The following SMC5 variants were observed in gnomAD, a reference collection of about 807,000 sequenced individuals.
SMC5 encodes structural maintenance of chromosomes protein 5.
A neutral mutation model predicts 148.3 loss-of-function variants in SMC5; 88 were observed. The ratio of observed to expected loss-of-function variants is 0.59; its 90% CI spans 0.50 to 0.71. SMC5 has a LOEUF of 0.71. Ranked by LOEUF, SMC5 falls within the 30% of genes least tolerant of loss-of-function variation. The pLI is 0.00. For missense variants in SMC5, 1,142 were observed against 1,298.9 expected (o/e 0.88, Z 1.86); for synonymous variants, 421 against 432.8 (o/e 0.97, Z 0.34).
rs1394429830 is a variant in SMC5 at position 70,280,763 on chromosome 9, C to T, written c.683C>T (p.Ser228Leu). ...TTCAACATATATTTATTGTAGACCT[C>T]ATGCAAAGAGAAAACTGAGTATCTA... Reference protein sequence around the residue: ...LREKEKQLETSCKEKTEYLQK... With the variant: ...LREKEKQLETLCKEKTEYLQK... The change falls in exon 6 of 25, where the codon TCA becomes TTA. Residue 228 changes from serine to leucine, a missense_variant. This residue lies in a region of SMC5 where 297 missense variants were observed against 302.6 expected (regional missense o/e 0.98). Coordinates refer to ENST00000361138, the MANE Select transcript of SMC5 (RefSeq NM_015110.4). 6.2e-7 allele frequency: 1 copy of T among 1,611,322 alleles called. No homozygotes were observed. Among genetic ancestry groups the T allele is most frequent in the Non-Finnish European group, 8.5e-7 (1 of 1,179,076 alleles).
At chr9:70,339,724 T>C (rs1445809615) in intron 17 of SMC5, among the ~76,000 whole-genome samples, 1 of 152,160 alleles carries the variant, frequency 6.6e-6, no homozygotes, top group Non-Finnish European at 1.5e-5. Context: ...CAAAAGAAGA[T>C]TGACACAAAA....
In SMC5 at chr9:70,318,886, A is replaced by G. The variant is rs972699285; in HGVS notation, c.2073A>G (p.Arg691=). 6.2e-6 allele frequency: 10 copies of G among 1,612,476 alleles called. No homozygotes were observed. Among genetic ancestry groups the G allele is most frequent in the African/African-American group, 1.3e-5 (1 of 74,828 alleles). The change falls in exon 15 of 25, where the codon AGA becomes AGG. Residue 691 remains arginine (R), a synonymous_variant. Coordinates refer to ENST00000361138, the MANE Select transcript of SMC5 (RefSeq NM_015110.4). ...KHLEHKDNEL[R]QKKKELLERK... ...TGGAGCACAAAGACAATGAACTTAG[A>G]CAAAAGAAGAAGGAGCTTCTTGAGA...
chr9:70,344,379 T>C (rs2036607761), intron 18 of SMC5, 110 bp downstream of exon 18: 3 of 743,360 alleles, frequency 4.0e-6, no homozygotes, highest in African/African-American at 1.9e-5. Context: ...TCGTAAAAAA[T>C]AGGGAGTTTT....
chr9:70,308,777 A>G (rs1399221777), intron 11 of SMC5, among the ~76,000 whole-genome samples: 1 of 152,026 alleles, frequency 6.6e-6, no homozygotes, highest in Non-Finnish European at 1.5e-5. Flanking sequence ...TTACACTATC[A>G]TAAATGGATT....
intron 18 of SMC5, among the ~76,000 whole-genome samples, chr9:70,345,032 A>G (rs192309622): frequency 1.5e-3 from 221 of 152,320 alleles, no homozygotes; most frequent in Non-Finnish European, 2.5e-3. Context: ...CACAGAAATC[A>G]CAGAGAATGG....
chr9:70,352,400 A>T lies in SMC5; in HGVS notation c.*69A>T, dbSNP rs893662507. ...CTGTTTATAAGTATGGCTCAACTGA[A>T]TAAAAGGAGATTCACTAAAACGAAA... On this transcript the variant is annotated 3_prime_UTR_variant, in exon 25 of 25. Transcript: ENST00000361138. The T allele has an allele frequency of 7.1e-7, 1 of 1,410,990 alleles. No homozygotes were observed. Among genetic ancestry groups the T allele is most frequent in the Admixed American group, 2.4e-5 (1 of 41,986 alleles). The allele number at this position is 1,410,990 out of a possible 1,614,324, so 87.4% of individuals were successfully genotyped here. A position where few individuals can be genotyped will look rare whatever the true frequency, so the allele number is the denominator to read the frequency against.
At chr9:70,326,871 CA>C (rs1473419541) in intron 17 of SMC5, among the ~76,000 whole-genome samples, 2 of 150,072 alleles carry the variant, frequency 1.3e-5, no homozygotes, top group Admixed American at 6.6e-5. Context: ...AAAAAAATTG[CA>C]AAAAAAATCA....
intron 9 of SMC5, among the ~76,000 whole-genome samples, chr9:70,299,152 C>T (rs1443336933): frequency 6.6e-6 from 1 of 151,764 alleles, no homozygotes; most frequent in Non-Finnish European, 1.5e-5. Flanking sequence ...CTCATTTATA[C>T]TCCGGTTTTT....
At chr9:70,334,729 T>A (rs2036316130) in intron 17 of SMC5, among the ~76,000 whole-genome samples, 2 of 152,218 alleles carry the variant, frequency 1.3e-5, no homozygotes, top group South Asian at 4.1e-4. Context: ...TGATGGATGC[T>A]ATAAAAATAA....
intron 11 of SMC5, among the ~76,000 whole-genome samples, chr9:70,310,352 C>G (rs2035625279): frequency 6.6e-6 from 1 of 152,180 alleles, no homozygotes; most frequent in Non-Finnish European, 1.5e-5. Flanking sequence ...ACATCTCCAT[C>G]AGAGCTCTTG....
chr9:70,316,628 A>G (rs956826258), intron 13 of SMC5, among the ~76,000 whole-genome samples: 2 of 152,116 alleles, frequency 1.3e-5, no homozygotes, highest in African/African-American at 2.4e-5. Flanking sequence ...AGGGGTAGGT[A>G]GGGTTCTCTC....
chr9:70,287,351 CT>C (rs901080554), intron 8 of SMC5, among the ~76,000 whole-genome samples: 3 of 151,844 alleles, frequency 2.0e-5, no homozygotes, highest in African/African-American at 7.3e-5. Flanking sequence ...CTTTGGTTCT[CT>C]TTATGGTTAA....
At chr9:70,346,941 G>A in intron 19 of SMC5, 125 bp from the exon 20 acceptor site, 1 of 754,100 alleles carries the variant, frequency 1.3e-6, no homozygotes, top group Non-Finnish European at 2.2e-6. Flanking sequence ...TTATTCCTTT[G>A]TATTCTTGTG....
intron 11 of SMC5, chr9:70,311,054 G>A (rs1417429296): frequency 6.6e-6 from 1 of 152,134 alleles, no homozygotes; most frequent in East Asian, 1.9e-4. Flanking sequence ...AGGTAATTTT[G>A]CTTTCTTATT....
intron 6 of SMC5, among the ~76,000 whole-genome samples, chr9:70,281,947 A>C (rs2034761497): frequency 6.6e-6 from 1 of 150,960 alleles, no homozygotes; most frequent in African/African-American, 2.4e-5. Flanking sequence ...TGTGCCACTT[A>C]ATTTTTTTTT....
At chr9:70,315,715 TATTA>T (rs895150959) in intron 13 of SMC5, 137 bp downstream of exon 13, 6 of 617,618 alleles carry the variant, frequency 9.7e-6, no homozygotes, top group African/African-American at 9.4e-5. Context: ...ATTATATTTG[TATTA>T]ATTATTTTCC....
chr9:70,331,411 G>GA (rs200479658), intron 17 of SMC5, among the ~76,000 whole-genome samples: 2 of 148,748 alleles, frequency 1.3e-5, no homozygotes, highest in African/African-American at 2.5e-5. Context: ...TTAAAAGGTA[G>GA]AAAAAAACAG....
intron 6 of SMC5, 97 bp downstream of exon 6, chr9:70,280,996 T>C: frequency 7.2e-7 from 1 of 1,381,766 alleles, no homozygotes; most frequent in Non-Finnish European, 1.0e-6. Context: ...GTTAGGTGCT[T>C]CTTTTTCATT....
chr9:70,278,442 A>T, intron 4 of SMC5, 49 bp from the exon 5 acceptor site: 3 of 1,561,660 alleles, frequency 1.9e-6, no homozygotes, highest in Non-Finnish European at 2.6e-6. Context: ...CATTTTGAAG[A>T]TATATGTAAA....
Sources: gnomAD v4.1 joint callset for allele counts (sites outside exome capture counted in the v4.1 genomes callset) on GRCh38, gnomAD v4.1.1 for gene constraint, gnomAD v4.1.1 regional missense constraint, MANE v1.5 for transcripts, NCBI Gene and HGNC (gene_info 2026-07-23, HGNC 2026-07-21) for gene names.